MESP1: variants seen among roughly 807,000 people sequenced by gnomAD.
MESP1 encodes mesoderm posterior bHLH transcription factor 1, also known as mesoderm posterior protein 1.
In MESP1, 22 loss-of-function variants were observed where a neutral mutation model predicts 15.2. The ratio of observed to expected loss-of-function variants is 1.45; its 90% CI spans 1.04 to 2.07. The LOEUF (loss-of-function observed/expected upper bound fraction) is 2.07. Among genes scored for constraint, MESP1 ranks in the 30% most tolerant of loss-of-function variants. The pLI, the probability that MESP1 is intolerant of heterozygous loss-of-function variation, is 0.00. For missense variants in MESP1, 484 were observed against 411.9 expected (o/e 1.17, Z -1.51); for synonymous variants, 216 against 192.6 (o/e 1.12, Z -1.01).
the MESP1 span, chr15:89,738,353 G>A: frequency 7.7e-4 from 989 of 1,286,204 alleles, 12 homozygotes; most frequent in South Asian, 9.9e-3. Context: ...CTGGCTGGGC[G>A]TGGTGGCTCA....
At chr15:89,738,321 C>T in the MESP1 span, 1 of 1,442,680 alleles carries the variant, frequency 6.9e-7, no homozygotes, top group Non-Finnish European at 9.3e-7. Context: ...CATGGTAAAT[C>T]CTTTCAGCAT....
the MESP1 span, among the ~76,000 whole-genome samples, chr15:89,733,842 A>C: frequency 1.3e-5 from 2 of 152,200 alleles, no homozygotes; most frequent in Non-Finnish European, 2.9e-5. Context: ...GTTATAAGCA[A>C]CAGAAAATGG....
Position 89,750,975 on chromosome 15 carries a change from C to G in MESP1, c.257G>C (p.Ser86Thr). The change falls in exon 1 of 2, where the codon AGC becomes ACC. Residue 86 changes from serine (S) to threonine (T), a missense_variant. Physicochemically the swap from Ser to Thr is moderately conservative, Grantham distance 58 (BLOSUM62 1). Transcript: ENST00000300057. ...GCGCAGTTTCTCCCGCTCACTGGCGCTCTGCCTCTGCCCGCTGCCCAGGCG... is the reference window on the plus strand; with the variant it reads ...GCGCAGTTTCTCCCGCTCACTGGCGGTCTGCCTCTGCCCGCTGCCCAGGCG... ...SSRLGSGQRQ[S>T]ASEREKLRMR... The G allele has an allele frequency of 2.1e-6, 3 of 1,418,734 alleles. No homozygotes were observed. Among genetic ancestry groups the G allele is most frequent in the Non-Finnish European group, 2.7e-6 (3 of 1,091,274 alleles). The allele number at this position is 1,418,734 out of a possible 1,614,324, so 87.9% of individuals were successfully genotyped here.
chr15:89,738,156 T>TC, the MESP1 span: 5 of 1,614,174 alleles, frequency 3.1e-6, no homozygotes, highest in Non-Finnish European at 4.2e-6. Context: ...ATTGTACCAT[T>TC]CCTCAAAGGG....
At chr15:89,737,493 A>G in the MESP1 span, 5 of 1,561,652 alleles carry the variant, frequency 3.2e-6, no homozygotes, top group African/African-American at 4.1e-5. Context: ...CTCATTCCTT[A>G]CTGGGGTGAC....
At chr15:89,743,727 G>T in the MESP1 span, 1 of 288,790 alleles carries the variant, frequency 3.5e-6, no homozygotes, top group East Asian at 8.1e-5. Context: ...CAGAGTCCTC[G>T]GCCTGGTGAG....
chr15:89,741,192 A>C, the MESP1 span, among the ~76,000 whole-genome samples: 1 of 152,224 alleles, frequency 6.6e-6, no homozygotes, highest in Non-Finnish European at 1.5e-5. Context: ...ATTACACATA[A>C]ATCACACCAG....
downstream of MESP1, among the ~76,000 whole-genome samples, chr15:89,747,665 G>A (rs1195122081): frequency 1.3e-5 from 2 of 152,228 alleles, no homozygotes; most frequent in Non-Finnish European, 2.9e-5. Context: ...AGCGAAGGCA[G>A]CACACCTGGT....
downstream of MESP1, chr15:89,748,750 G>C (rs528500972): frequency 6.6e-6 from 1 of 152,350 alleles, no homozygotes; most frequent in East Asian, 1.9e-4. Flanking sequence ...GGGACTGGGA[G>C]TAGGGAATAG....
Position 89,750,088 on chromosome 15 carries a change from A to C in MESP1, c.*56T>G, listed in dbSNP as rs1192585709. On this transcript the variant is annotated 3_prime_UTR_variant, in exon 2 of 2. Coordinates refer to ENST00000300057, the MANE Select transcript of MESP1 (RefSeq NM_018670.4). ...GCAGTCTGCCAAGGAACCACTTCGA[A>C]GGTGCTGAGGCCAAAAAGCCTCGGT... The C allele has an allele frequency of 2.5e-5, 38 of 1,514,862 alleles. No homozygotes were observed. The highest frequency in any genetic ancestry group is 3.5e-5 in the Non-Finnish European group (38 of 1,090,114). The allele number at this position is 1,514,862 out of a possible 1,614,324, so 93.8% of individuals were successfully genotyped here. A position where few individuals can be genotyped will look rare whatever the true frequency, so the allele number is the denominator to read the frequency against.
chr15:89,747,894 C>T (rs191072852), downstream of MESP1, among the ~76,000 whole-genome samples: 2 of 152,228 alleles, frequency 1.3e-5, no homozygotes, highest in African/African-American at 4.8e-5. Context: ...TGTGAACAGG[C>T]ACACAGGGTT....
the MESP1 span, chr15:89,743,203 G>C: frequency 7.8e-7 from 1 of 1,286,402 alleles, no homozygotes; most frequent in South Asian, 1.2e-5. Flanking sequence ...TTTCTCATAG[G>C]AGCACAGGGT....
downstream of MESP1, chr15:89,749,145 T>C (rs1968031195): frequency 6.6e-6 from 1 of 152,190 alleles, no homozygotes; most frequent in Non-Finnish European, 1.5e-5. Flanking sequence ...ATCCAGCCAA[T>C]GCAGACAGGC....
the MESP1 span, chr15:89,743,372 G>T: frequency 6.2e-7 from 1 of 1,614,198 alleles, no homozygotes; most frequent in South Asian, 1.1e-5. Context: ...TCGCTCCAGA[G>T]AGAGAACTTC....
the MESP1 span, among the ~76,000 whole-genome samples, chr15:89,734,287 C>G: frequency 1.8e-4 from 27 of 152,206 alleles, no homozygotes; most frequent in African/African-American, 6.5e-4. Flanking sequence ...GTTTCTTCTA[C>G]TGGTCTCACC....
Position 89,750,504 on chromosome 15 carries a change from C to G in MESP1, c.723+5G>C. 1 of 1,500,570 alleles carries G rather than the reference C, an allele frequency of 6.7e-7. No homozygotes were observed. Among genetic ancestry groups the G allele is most frequent in the Non-Finnish European group, 8.8e-7 (1 of 1,132,704 alleles). 93.0% of individuals were successfully genotyped at this position (1,500,570 alleles called of 1,614,324 possible). A position where few individuals can be genotyped will look rare whatever the true frequency, so the allele number is the denominator to read the frequency against. On this transcript the variant is annotated splice_donor_5th_base_variant and intron_variant, in intron 1 of 1. Coordinates refer to ENST00000300057, the MANE Select transcript of MESP1 (RefSeq NM_018670.4). ...CGAAGGGGGCGCGGGGAAGGGGACA[C>G]TAACCGGGGACGGTGGGCTTGGCTC...
chr15:89,742,243 AAATT>A, the MESP1 span, among the ~76,000 whole-genome samples: 3 of 152,032 alleles, frequency 2.0e-5, no homozygotes, highest in Non-Finnish European at 2.9e-5. Context: ...TATAAATAAA[AAATT>A]AATTAATTAA....
chr15:89,739,115 C>CAAA, the MESP1 span, among the ~76,000 whole-genome samples: 1 of 127,212 alleles, frequency 7.9e-6, no homozygotes. Flanking sequence ...GACCCTGCCT[C>CAAA]AAAAAAAAAA....
At chr15:89,736,420 TAC>T in the MESP1 span, among the ~76,000 whole-genome samples, 1 of 152,200 alleles carries the variant, frequency 6.6e-6, no homozygotes, top group Admixed American at 6.5e-5. Flanking sequence ...ACCAGCCAGG[TAC>T]AGTTAGTGAG....
Sources: allele counts gnomAD v4.1 joint callset (sites outside exome capture counted in the v4.1 genomes callset), GRCh38; gene constraint gnomAD v4.1.1; transcripts MANE v1.5; gene names NCBI Gene and HGNC (gene_info 2026-07-23, HGNC 2026-07-21).